The following WWOX variants were observed in gnomAD, a reference collection of about 807,000 sequenced individuals.
WWOX encodes WW domain containing oxidoreductase.
A neutral mutation model predicts 46.2 loss-of-function variants in WWOX; 69 were observed. The ratio of observed to expected loss-of-function variants is 1.49; its 90% CI spans 1.23 to 1.82. The LOEUF (loss-of-function observed/expected upper bound fraction) is 1.82, where lower values mean the gene tolerates loss of function less well. WWOX is among the 40% of genes most tolerant of loss of function. The pLI is 0.00. For missense variants in WWOX, 919 were observed against 542.6 expected (o/e 1.69, Z -6.89); for synonymous variants, 359 against 202.6 (o/e 1.77, Z -6.56).
At chr16:78,730,617 A>ATTTTTTTTTTTTT (rs536906826) in intron 8 of WWOX, among the ~76,000 whole-genome samples, 1 of 123,054 alleles carries the variant, frequency 8.1e-6, no homozygotes, top group South Asian at 3.0e-4. Context: ...ACGCCCGGCA[A>ATTTTTTTTTTTTT]TTTTTTTTTT....
intron 8 of WWOX, among the ~76,000 whole-genome samples, chr16:78,999,439 C>T (rs967518222): frequency 1.3e-5 from 2 of 152,142 alleles, no homozygotes; most frequent in African/African-American, 2.4e-5. Flanking sequence ...CATTGCACTC[C>T]AGCCTGGGCA....
chr16:78,795,434 A>T (rs2142621545), intron 8 of WWOX, among the ~76,000 whole-genome samples: 1 of 152,298 alleles, frequency 6.6e-6, no homozygotes, highest in Admixed American at 6.5e-5. Context: ...AAGGCTACCC[A>T]TGGACTACAA....
intron 8 of WWOX, among the ~76,000 whole-genome samples, chr16:79,200,124 G>C (rs2051317715): frequency 6.6e-6 from 1 of 152,146 alleles, no homozygotes; most frequent in Admixed American, 6.5e-5. Flanking sequence ...GAACACTGCA[G>C]GGGAGGCACC....
chr16:78,762,280 G>T (rs1029105949), intron 8 of WWOX, among the ~76,000 whole-genome samples: 1 of 152,178 alleles, frequency 6.6e-6, no homozygotes, highest in African/African-American at 2.4e-5. Flanking sequence ...CTCAAAGCTT[G>T]GTCCATGAAC....
At chr16:79,129,287 A>G (rs908585973) in intron 8 of WWOX, among the ~76,000 whole-genome samples, 1 of 150,910 alleles carries the variant, frequency 6.6e-6, no homozygotes, top group African/African-American at 2.4e-5. Flanking sequence ...GCCCAATATT[A>G]AAAGATTGTA....
chr16:78,562,107 A>G (rs1053059412), intron 8 of WWOX, among the ~76,000 whole-genome samples: 7 of 152,174 alleles, frequency 4.6e-5, no homozygotes, highest in East Asian at 1.9e-4. Flanking sequence ...TTTCTCAGAT[A>G]GAGTTATCCA....
intron 8 of WWOX, among the ~76,000 whole-genome samples, chr16:78,545,856 C>T (rs2044018513): frequency 6.6e-6 from 1 of 152,166 alleles, no homozygotes; most frequent in African/African-American, 2.4e-5. Context: ...TCTTGGTGCA[C>T]ATCCCTGGTG....
At chr16:78,100,179 A>G in intron 1 of WWOX, 1 of 1,257,646 alleles carries the variant, frequency 8.0e-7, no homozygotes, top group Non-Finnish European at 1.0e-6. Context: ...GCCAAAAAAT[A>G]AAGATGTTTT....
intron 8 of WWOX, among the ~76,000 whole-genome samples, chr16:78,583,844 G>T (rs959096635): frequency 1.2e-4 from 19 of 152,216 alleles, no homozygotes; most frequent in African/African-American, 4.6e-4. Context: ...AGCCTCTCAG[G>T]TGAAGAGCTT....
At chr16:78,741,369 G>T (rs1298147113) in intron 8 of WWOX, among the ~76,000 whole-genome samples, 1 of 150,988 alleles carries the variant, frequency 6.6e-6, no homozygotes, top group Non-Finnish European at 1.5e-5. Context: ...GAGATCAGCC[G>T]GGCCAACCTG....
At chr16:78,791,031 A>C (rs2050584493) in intron 8 of WWOX, among the ~76,000 whole-genome samples, 1 of 151,332 alleles carries the variant, frequency 6.6e-6, no homozygotes, top group Admixed American at 6.6e-5. Flanking sequence ...AAAAAAAAAA[A>C]AAAAAAAAAA....
intron 8 of WWOX, among the ~76,000 whole-genome samples, chr16:79,038,775 C>G (rs767371550): frequency 6.6e-6 from 1 of 152,162 alleles, no homozygotes; most frequent in Non-Finnish European, 1.5e-5. Flanking sequence ...CTCTTGAATT[C>G]CTAACTTCAG....
rs1170337744 is a variant in WWOX, at chr16:78,575,002, T to C, written c.1056+142250T>C. Among the ~76,000 whole-genome samples the C allele has an allele frequency of 2.3e-3, 28 of 12,424 alleles. 2 individuals carry two copies. The highest frequency in any genetic ancestry group is 7.8e-3 in the African/African-American group (20 of 2,572). The allele number at this position is 12,424 out of a possible 152,430, so 8.2% of individuals were successfully genotyped here. On this transcript the variant is annotated intron_variant, in intron 8 of 8. Transcript: ENST00000566780. ...ATATTCAATATTTATTTTTCAATTA[T>C]ATATATATATATATATATAAATATA...
chr16:78,878,106 C>G (rs1312705851), intron 8 of WWOX, among the ~76,000 whole-genome samples: 2 of 152,152 alleles, frequency 1.3e-5, no homozygotes, highest in South Asian at 4.1e-4. Context: ...CAGTAAGTAT[C>G]CACTGGGGTT....
At chr16:79,075,777 G>A (rs2048644564) in intron 8 of WWOX, among the ~76,000 whole-genome samples, 1 of 152,052 alleles carries the variant, frequency 6.6e-6, no homozygotes, top group Non-Finnish European at 1.5e-5. Context: ...GTAAGGTAAT[G>A]GAAGCAAGAG....
intron 8 of WWOX, among the ~76,000 whole-genome samples, chr16:78,588,111 G>A (rs892105384): frequency 7.2e-5 from 11 of 151,776 alleles, no homozygotes; most frequent in Non-Finnish European, 1.6e-4. Context: ...CTGCTGGCGG[G>A]CCTTGCACAG....
intron 8 of WWOX, among the ~76,000 whole-genome samples, chr16:79,050,544 G>A (rs1008546147): frequency 3.3e-5 from 5 of 152,196 alleles, no homozygotes; most frequent in South Asian, 4.1e-4. Flanking sequence ...AGAGAGGGAG[G>A]ATACTGCAGT....
chr16:78,799,851 C>T (rs1003881278), intron 8 of WWOX, among the ~76,000 whole-genome samples: 1 of 152,158 alleles, frequency 6.6e-6, no homozygotes, highest in African/African-American at 2.4e-5. Flanking sequence ...ATTTTAAATG[C>T]ATATTAGTCA....
intron 8 of WWOX, among the ~76,000 whole-genome samples, chr16:79,147,666 T>G (rs2050205934): frequency 6.6e-6 from 1 of 152,208 alleles, no homozygotes; most frequent in Non-Finnish European, 1.5e-5. Flanking sequence ...TATAAGAAAC[T>G]GTCAAGCTGT....
Sources: allele counts gnomAD v4.1 joint callset (sites outside exome capture counted in the v4.1 genomes callset), GRCh38; gene constraint gnomAD v4.1.1; transcripts MANE v1.5; gene names NCBI Gene and HGNC (gene_info 2026-07-23, HGNC 2026-07-21).